ZNF385D: variants seen among roughly 807,000 people sequenced by gnomAD.
The protein encoded by ZNF385D is zinc finger protein 385D, also known as zinc finger protein 659.
A neutral mutation model predicts 35.8 loss-of-function variants in ZNF385D; 15 were observed. The observed-to-expected ratio is 0.42, with a 90% CI of 0.28 to 0.64. The LOEUF (loss-of-function observed/expected upper bound fraction) is 0.64, where lower values mean the gene tolerates loss of function less well. Ranked by LOEUF, ZNF385D falls within the 30% of genes least tolerant of loss-of-function variation. The probability of loss-of-function intolerance (pLI) is 0.23; values close to 1 mark genes in which losing one functional copy is unlikely to be tolerated. For synonymous variants in ZNF385D, 212 were observed against 186.8 expected, an observed-to-expected ratio of 1.13 and a Z score of -1.10; for missense variants, 474 against 494.6, an observed-to-expected ratio of 0.96 and a Z score of 0.39.
chr3:21,706,808 AATAG>A (rs1388389260), intron 1 of ZNF385D, among the ~76,000 whole-genome samples: 1 of 143,984 alleles, frequency 6.9e-6, no homozygotes, highest in African/African-American at 2.7e-5. Context: ...ACACAAAGAT[AATAG>A]ATGATAGATA....
At chr3:22,106,126 G>A (rs961379587) in intron 3 of ZNF385D, among the ~76,000 whole-genome samples, 1 of 152,068 alleles carries the variant, frequency 6.6e-6, no homozygotes, top group East Asian at 1.9e-4. Context: ...GACTAAAGCA[G>A]AGCCCAGGTA....
At chr3:21,964,058 A>G (rs180889519) in intron 3 of ZNF385D, among the ~76,000 whole-genome samples, 2 of 152,110 alleles carry the variant, frequency 1.3e-5, no homozygotes, top group African/African-American at 4.8e-5. Flanking sequence ...AATGCTTTGG[A>G]ATATAATAAA....
chr3:21,856,407 C>G lies in ZNF385D; in HGVS notation c.326-191379G>C, dbSNP rs139210271. 7.2e-3 allele frequency among the ~76,000 whole-genome samples: 1,090 copies of G among 152,180 alleles called. 10 individuals are homozygous for G. The highest frequency in any genetic ancestry group is 0.025 in the African/African-American group (1,029 of 41,546). On this transcript the variant is annotated intron_variant, in intron 3 of 5. Transcript: ENST00000494108. Reference sequence around the variant, plus strand: ...TTTCTCGTCTTTCTGAACCCCTTCTCTCAACTTCAGACTCAACTGCCTCTA... The same window carrying G: ...TTTCTCGTCTTTCTGAACCCCTTCTGTCAACTTCAGACTCAACTGCCTCTA...
intron 3 of ZNF385D, among the ~76,000 whole-genome samples, chr3:22,163,793 G>A (rs1706125272): frequency 6.6e-6 from 1 of 152,152 alleles, no homozygotes; most frequent in Non-Finnish European, 1.5e-5. Flanking sequence ...AAATTGTGGT[G>A]AAAAGTTTGT....
At chr3:22,203,381 G>A (rs1696934189) in intron 2 of ZNF385D, among the ~76,000 whole-genome samples, 1 of 152,116 alleles carries the variant, frequency 6.6e-6, no homozygotes, top group South Asian at 2.1e-4. Context: ...TGAATTATAA[G>A]CAGTGGTAAC....
intron 2 of ZNF385D, among the ~76,000 whole-genome samples, chr3:22,187,573 G>A (rs1176277910): frequency 6.6e-6 from 1 of 151,952 alleles, no homozygotes; most frequent in Non-Finnish European, 1.5e-5. Flanking sequence ...GGAGAATGAA[G>A]TTAGTGAAGA....
At chr3:21,755,254 T>G (rs1405276334), upstream of ZNF385D, among the ~76,000 whole-genome samples, 1 of 152,240 alleles carries the variant, frequency 6.6e-6, no homozygotes. Flanking sequence ...GACTTGCCCA[T>G]GTCCAATTCA....
chr3:21,889,712 G>A (rs181565445), intron 3 of ZNF385D, among the ~76,000 whole-genome samples: 120 of 152,268 alleles, frequency 7.9e-4, no homozygotes, highest in Non-Finnish European at 5.7e-4. Flanking sequence ...ATGCTACCTT[G>A]TGTATGAGTT....
intron 3 of ZNF385D, among the ~76,000 whole-genome samples, chr3:21,803,459 A>C (rs1257855436): frequency 1.3e-5 from 2 of 152,206 alleles, no homozygotes; most frequent in Non-Finnish European, 2.9e-5. Flanking sequence ...AATAACTGCA[A>C]ACTAATATGA....
At chr3:22,236,882 G>T (rs1699215935) in intron 2 of ZNF385D, among the ~76,000 whole-genome samples, 1 of 152,108 alleles carries the variant, frequency 6.6e-6, no homozygotes, top group African/African-American at 2.4e-5. Flanking sequence ...ATTTATGGTT[G>T]AATAATATTC....
chr3:22,139,359 C>T (rs1704351097), intron 3 of ZNF385D, among the ~76,000 whole-genome samples: 1 of 152,106 alleles, frequency 6.6e-6, no homozygotes, highest in Admixed American at 6.6e-5. Flanking sequence ...AGACTTGGAA[C>T]CAACCCAAAT....
At chr3:21,953,508 A>G (rs1224989560) in intron 3 of ZNF385D, among the ~76,000 whole-genome samples, 1 of 152,060 alleles carries the variant, frequency 6.6e-6, no homozygotes, top group Non-Finnish European at 1.5e-5. Flanking sequence ...AATACTTCTA[A>G]GAAAAGTTTT....
At chr3:22,058,207 G>T (rs1022109744) in intron 3 of ZNF385D, among the ~76,000 whole-genome samples, 12 of 152,052 alleles carry the variant, frequency 7.9e-5, no homozygotes, top group African/African-American at 2.9e-4. Flanking sequence ...TTGATTTCTT[G>T]TTGAAAAAAG....
In ZNF385D at chr3:22,371,249, G is replaced by T. The variant is rs148060932; in HGVS notation, c.106+1201C>A. Among the ~76,000 whole-genome samples, 860 of 152,190 alleles carry T rather than the reference G, an allele frequency of 5.7e-3. 6 individuals are homozygous for T. The highest frequency in any genetic ancestry group is 0.019 in the African/African-American group (800 of 41,538). Reference sequence around the variant, plus strand: ...TTTCCAGTAGGTTTTAGAAAACATCGTGAACCGGAATTCAGTGGTCACCTG... The same window carrying T: ...TTTCCAGTAGGTTTTAGAAAACATCTTGAACCGGAATTCAGTGGTCACCTG... On this transcript the variant is annotated intron_variant, in intron 2 of 5. Transcript: ENST00000494108.
rs2065759950 is a variant in ZNF385D at position 21,646,621 on chromosome 3, A to C, written c.165+18265T>G. ...ATATGTCAGACCTAGATAAACTCTG[A>C]TAATCTTGACAACTCTTCAGTCTCC... On this transcript the variant is annotated intron_variant, in intron 2 of 7. Transcript: ENST00000281523. This position sits in a 1 kb window ranked among gnomAD's most constrained non-coding sequence, Gnocchi z 4.3. 6.6e-6 allele frequency among the ~76,000 whole-genome samples: 1 copy of C among 152,218 alleles called. No individual in the cohort carries two copies. Among genetic ancestry groups the C allele is most frequent in the African/African-American group, 2.4e-5 (1 of 41,442 alleles).
At chr3:21,765,766 T>G (rs1245912375) in intron 3 of ZNF385D, among the ~76,000 whole-genome samples, 1 of 141,172 alleles carries the variant, frequency 7.1e-6, no homozygotes, top group African/African-American at 2.5e-5. Context: ...GAATGTGCTC[T>G]GGAGAGAAAG....
intron 2 of ZNF385D, among the ~76,000 whole-genome samples, chr3:22,290,490 G>A (rs898424498): frequency 1.3e-5 from 2 of 152,166 alleles, no homozygotes; most frequent in Non-Finnish European, 2.9e-5. Flanking sequence ...AAGGATCTCT[G>A]TCACTCAAAC....
rs145135613 is a variant in ZNF385D at position 21,862,334 on chromosome 3, A to G, written c.326-197306T>C. ...ATCAAGCTCAGGTTAAGAAATATGC[A>G]GTAAGTATAACACCTTTGAAACTGA... On this transcript the variant is annotated intron_variant, in intron 3 of 5. Coordinates refer to the ZNF385D transcript ENST00000494108. 2.1e-3 allele frequency among the ~76,000 whole-genome samples: 318 copies of G among 151,588 alleles called. 4 individuals carry two copies. The highest frequency in any genetic ancestry group is 7.4e-3 in the African/African-American group (306 of 41,338).
chr3:21,739,910 T>C (rs1383606873), intron 1 of ZNF385D, among the ~76,000 whole-genome samples: 2 of 152,198 alleles, frequency 1.3e-5, no homozygotes, highest in Non-Finnish European at 2.9e-5. Flanking sequence ...ACAAACACTC[T>C]ATAGAGTATC....
Sources: allele counts gnomAD v4.1 joint callset (sites outside exome capture counted in the v4.1 genomes callset), GRCh38; gene constraint gnomAD v4.1.1; non-coding constraint Gnocchi (gnomAD v3.1); transcripts MANE v1.5; gene names NCBI Gene and HGNC (gene_info 2026-07-23, HGNC 2026-07-21).